The following GSTT4 variants were observed in gnomAD, a reference collection of about 807,000 sequenced individuals.
The protein encoded by GSTT4 is glutathione S-transferase theta-4.
At chr22:24,003,149 T>A (rs959107307) in intron 2 of GSTT4, among the ~76,000 whole-genome samples, 2 of 152,222 alleles carry the variant, frequency 1.3e-5, no homozygotes, top group Non-Finnish European at 2.9e-5. Context: ...GCTTTTTTTT[T>A]GTTTGTTTTA....
At chr22:23,993,734 A>G (rs2034089487), downstream of GSTT4, among the ~76,000 whole-genome samples, 1 of 152,112 alleles carries the variant, frequency 6.6e-6, no homozygotes, top group Non-Finnish European at 1.5e-5. Context: ...CTAGACACCA[A>G]TCTCTACCTG....
chr22:24,003,411 T>C (rs1426637990), intron 2 of GSTT4, among the ~76,000 whole-genome samples: 1 of 152,252 alleles, frequency 6.6e-6, no homozygotes, highest in Non-Finnish European at 1.5e-5. Flanking sequence ...GGTTTTGCCA[T>C]GTTGTCTAGG....
At chr22:23,995,671 A>G (rs544693157), downstream of GSTT4, among the ~76,000 whole-genome samples, 43 of 152,316 alleles carry the variant, frequency 2.8e-4, no homozygotes, top group Non-Finnish European at 3.4e-4. Context: ...CTTGAACACA[A>G]GATGGGTGCT....
At chr22:23,991,831 G>A in the GSTT4 span, among the ~76,000 whole-genome samples, 11 of 129,344 alleles carry the variant, frequency 8.5e-5, no homozygotes, top group East Asian at 2.4e-3. Flanking sequence ...GAGGGGGGTG[G>A]ATCACGAGGT....
In GSTT4 at chr22:23,998,440, G is replaced by GTTTTTTTTT. The variant is rs1232729994; in HGVS notation, c.*101_*102insAAAAAAAAA. 4.6e-4 allele frequency: 65 copies of GTTTTTTTTT among 139,992 alleles called. 1 individual carries two copies. Among genetic ancestry groups the GTTTTTTTTT allele is most frequent in the East Asian group, 3.5e-3 (16 of 4,610 alleles). 8.7% of individuals were successfully genotyped at this position (139,992 alleles called of 1,614,324 possible). Reference sequence around the variant, plus strand: ...GTTCTTTATTAGGCAAAGAACAGTTGTTTTTTTGTTTTTTTGTTTTTTTTT... The same window carrying GTTTTTTTTT: ...GTTCTTTATTAGGCAAAGAACAGTTGTTTTTTTTTTTTTTTTGTTTTTTTGTTTTTTTTT... On this transcript the variant is annotated 3_prime_UTR_variant, in exon 5 of 5. Transcript: ENST00000621179.
At position 23,998,478 on chromosome 22, in the gene GSTT4, C is replaced by G. The variant is rs1208720576; in HGVS notation, c.*64G>C. On this transcript the variant is annotated 3_prime_UTR_variant, in exon 5 of 5. Coordinates refer to ENST00000621179, the MANE Select transcript of GSTT4 (RefSeq NM_001358664.2). Reference sequence around the variant, plus strand: ...TTTGTTTTTTTTTTTTTAACATTTCCTTTAAGGAAGGTGGCTCAGATTGCT... The same window carrying G: ...TTTGTTTTTTTTTTTTTAACATTTCGTTTAAGGAAGGTGGCTCAGATTGCT... 1.3e-5 allele frequency: 2 copies of G among 151,370 alleles called. No homozygotes were observed. The highest frequency in any genetic ancestry group is 3.0e-5 in the Non-Finnish European group (2 of 67,620). The allele number at this position is 151,370 out of a possible 1,614,324, so 9.4% of individuals were successfully genotyped here. A position where few individuals can be genotyped will look rare whatever the true frequency, so the allele number is the denominator to read the frequency against.
At chr22:24,002,446 C>A (rs1275342239) in intron 2 of GSTT4, among the ~76,000 whole-genome samples, 1 of 152,264 alleles carries the variant, frequency 6.6e-6, no homozygotes, top group Non-Finnish European at 1.5e-5. Context: ...TTATCATCAC[C>A]AGCAGCAACC....
the GSTT4 span, among the ~76,000 whole-genome samples, chr22:23,992,664 A>G: frequency 9.9e-5 from 15 of 151,490 alleles, no homozygotes; most frequent in Admixed American, 4.6e-4. Flanking sequence ...GAGTTCAAAG[A>G]TCTCATGAGG....
At chr22:24,000,705 C>A (rs1272215476) in intron 3 of GSTT4, among the ~76,000 whole-genome samples, 2 of 143,166 alleles carry the variant, frequency 1.4e-5, no homozygotes, top group African/African-American at 2.9e-5. Context: ...ATTACAGGTG[C>A]CCATCACCAC....
At chr22:23,995,925 G>C (rs1297280399), downstream of GSTT4, among the ~76,000 whole-genome samples, 1 of 151,750 alleles carries the variant, frequency 6.6e-6, no homozygotes, top group Non-Finnish European at 1.5e-5. Flanking sequence ...TATTAATCTT[G>C]TACCCTGCAA....
At chr22:23,991,115 C>T in the GSTT4 span, among the ~76,000 whole-genome samples, 1 of 74,720 alleles carries the variant, frequency 1.3e-5, no homozygotes, top group Non-Finnish European at 3.1e-5. Context: ...AAGGTCAAGG[C>T]TGCAGTGAGC....
chr22:23,991,311 C>T, the GSTT4 span: 1 of 109,618 alleles, frequency 9.1e-6, no homozygotes, highest in Admixed American at 9.8e-5. Flanking sequence ...GGCCAATATC[C>T]CCTGGGCCTG....
At chr22:23,990,438 CG>C in the GSTT4 span, among the ~76,000 whole-genome samples, 17 of 63,650 alleles carry the variant, frequency 2.7e-4, no homozygotes, top group Non-Finnish European at 3.5e-4. Context: ...GGCAAAATCA[CG>C]CGTCTACACA....
chr22:24,004,996 CCT>C (rs1472113386), intron 1 of GSTT4: 1 of 152,106 alleles, frequency 6.6e-6, no homozygotes, highest in Non-Finnish European at 1.5e-5. Context: ...TGGTGAAACC[CCT>C]GTTAAAAATA....
At chr22:24,000,470 T>TA (rs1022262909) in intron 3 of GSTT4, among the ~76,000 whole-genome samples, 2 of 142,700 alleles carry the variant, frequency 1.4e-5, no homozygotes, top group Non-Finnish European at 3.0e-5. Flanking sequence ...TGTGATTGAT[T>TA]AGTGATGTCT....
chr22:24,003,507 C>CCA, intron 2 of GSTT4, among the ~76,000 whole-genome samples: 2 of 152,240 alleles, frequency 1.3e-5, no homozygotes, highest in Admixed American at 1.3e-4. Context: ...GAGCTGGCTT[C>CCA]TAAACATTTA....
At chr22:23,993,182 G>C in the GSTT4 span, among the ~76,000 whole-genome samples, 2 of 152,322 alleles carry the variant, frequency 1.3e-5, no homozygotes, top group East Asian at 3.9e-4. Context: ...ATGTGGCCTA[G>C]CTGCTTCATA....
At chr22:24,001,357 T>C in intron 2 of GSTT4, 32 bp from the exon 3 acceptor site, 1 of 157,214 alleles carries the variant, frequency 6.4e-6, no homozygotes, top group Non-Finnish European at 1.4e-5. Context: ...GGCACTGCCC[T>C]TGCCTTCCTG....
chr22:24,002,450 A>G (rs1280514356), intron 2 of GSTT4, among the ~76,000 whole-genome samples: 1 of 152,284 alleles, frequency 6.6e-6, no homozygotes, highest in Non-Finnish European at 1.5e-5. Context: ...CATCACCAGC[A>G]GCAACCATGC....
Sources: allele counts gnomAD v4.1 joint callset (sites outside exome capture counted in the v4.1 genomes callset), GRCh38; gene constraint gnomAD v4.1.1; transcripts MANE v1.5; gene names NCBI Gene and HGNC (gene_info 2026-07-23, HGNC 2026-07-21).